The following COPG2 variants were observed in gnomAD, a reference collection of about 807,000 sequenced individuals.
COPG2 encodes the protein coat protein complex I subunit gamma 2.
A neutral mutation model predicts 46.3 loss-of-function variants in COPG2; 37 were observed. That is an observed-to-expected ratio of 0.80 (90% CI 0.61 to 1.05). COPG2 has a LOEUF of 1.05. COPG2 is among the 50% of genes least tolerant of loss of function. The pLI is 0.00. For missense variants in COPG2, 427 were observed against 387.8 expected, an observed-to-expected ratio of 1.10 and a Z score of -0.85; for synonymous variants, 159 against 129.7, an observed-to-expected ratio of 1.23 and a Z score of -1.53.
At chr7:130,636,101 C>T (rs1795331211) in intron 5 of COPG2, among the ~76,000 whole-genome samples, 1 of 152,138 alleles carries the variant, frequency 6.6e-6, no homozygotes. Flanking sequence ...TTTGCATTTG[C>T]TGAGGAGTGT....
intron 5 of COPG2, among the ~76,000 whole-genome samples, chr7:130,644,097 G>T (rs1161957284): frequency 6.6e-6 from 1 of 152,142 alleles, no homozygotes; most frequent in Non-Finnish European, 1.5e-5. Context: ...ATTAATTAGA[G>T]AATGAATCCC....
chr7:130,663,281 T>C (rs1443337772), intron 3 of COPG2, among the ~76,000 whole-genome samples: 4 of 152,184 alleles, frequency 2.6e-5, no homozygotes, highest in African/African-American at 9.7e-5. Flanking sequence ...AGTTCTGGCA[T>C]AGTGATCTCT....
At chr7:130,594,351 A>G (rs1299679273) in intron 9 of COPG2, among the ~76,000 whole-genome samples, 2 of 152,352 alleles carry the variant, frequency 1.3e-5, no homozygotes, top group East Asian at 3.9e-4. Flanking sequence ...CAGCATACAC[A>G]AAAATGATCT....
intron 20 of COPG2, among the ~76,000 whole-genome samples, chr7:130,534,706 A>G (rs1799862010): frequency 6.6e-6 from 1 of 152,180 alleles, no homozygotes; most frequent in African/African-American, 2.4e-5. Flanking sequence ...AACCTGTGTA[A>G]GAAGGTCTTA....
At chr7:130,548,302 A>T in intron 19 of COPG2, 101 bp downstream of exon 19, 1 of 397,158 alleles carries the variant, frequency 2.5e-6, no homozygotes, top group Non-Finnish European at 4.4e-6. Context: ...CTGCCAAATT[A>T]ATTCTCTATA....
chr7:130,666,904 A>G lies in COPG2; in HGVS notation c.116T>C (p.Ile39Thr), dbSNP rs1554461527. ...QEARIFNETP[I>T]NPRRCLHILT... Reference sequence around the variant, plus strand: ...AATATGCAAACATCTTCTTGGATTGATTGGAGTTTCATTGAATATACGAGC... The same window carrying G: ...AATATGCAAACATCTTCTTGGATTGGTTGGAGTTTCATTGAATATACGAGC... The change falls in exon 3 of 24, where the codon ATC becomes ACC. Residue 39 changes from isoleucine (I) to threonine (T), a missense_variant. Transcript: ENST00000425248. 1 of 1,566,064 alleles carries G rather than the reference A, an allele frequency of 6.4e-7. No individual in the cohort carries two copies. The highest frequency in any genetic ancestry group is 1.2e-5 in the South Asian group (1 of 85,660).
intron 20 of COPG2, among the ~76,000 whole-genome samples, chr7:130,519,241 G>T (rs1563035367): frequency 2.6e-5 from 4 of 152,116 alleles, no homozygotes; most frequent in South Asian, 2.1e-4. Context: ...GGAGAAAAGG[G>T]GGGAGTGAGA....
At chr7:130,639,432 G>GT (rs1307155200) in intron 5 of COPG2, among the ~76,000 whole-genome samples, 1 of 152,054 alleles carries the variant, frequency 6.6e-6, no homozygotes, top group Non-Finnish European at 1.5e-5. Context: ...AAATTTCCAA[G>GT]TTTTTTCCAA....
chr7:130,657,108 G>A (rs557018556), intron 4 of COPG2, among the ~76,000 whole-genome samples: 1 of 151,968 alleles, frequency 6.6e-6, no homozygotes, highest in South Asian at 2.1e-4. Context: ...ACTTACTATA[G>A]ATTTTAAACC....
intron 20 of COPG2, among the ~76,000 whole-genome samples, chr7:130,532,068 G>C (rs998622733): frequency 2.0e-5 from 3 of 152,234 alleles, no homozygotes; most frequent in Non-Finnish European, 4.4e-5. Flanking sequence ...GGACACGGGA[G>C]GATGGAGAGC....
intron 9 of COPG2, among the ~76,000 whole-genome samples, chr7:130,569,000 T>A (rs1793850937): frequency 6.6e-6 from 1 of 152,074 alleles, no homozygotes; most frequent in Admixed American, 6.6e-5. Context: ...AATTAAAAAA[T>A]TCTTTGAACT....
intron 9 of COPG2, among the ~76,000 whole-genome samples, chr7:130,599,782 GT>G (rs1460068133): frequency 6.6e-6 from 1 of 152,172 alleles, no homozygotes; most frequent in Non-Finnish European, 1.5e-5. Context: ...TGCTCTGGGG[GT>G]AAATAATCAT....
At chr7:130,549,692 AAATT>A (rs1324279536) in intron 17 of COPG2, among the ~76,000 whole-genome samples, 1 of 152,252 alleles carries the variant, frequency 6.6e-6, no homozygotes, top group African/African-American at 2.4e-5. Context: ...AAAATAGGAA[AAATT>A]ACTTATATCA....
intron 5 of COPG2, among the ~76,000 whole-genome samples, chr7:130,628,348 G>C (rs1380064389): frequency 6.6e-6 from 1 of 151,538 alleles, no homozygotes; most frequent in Non-Finnish European, 1.5e-5. Flanking sequence ...TCCTTTACTA[G>C]TTTATTGTTT....
chr7:130,590,865 G>GC (rs1480033177), intron 9 of COPG2, among the ~76,000 whole-genome samples: 3 of 151,576 alleles, frequency 2.0e-5, no homozygotes, highest in East Asian at 2.0e-4. Context: ...CTGCCCAGCC[G>GC]CCCCGTCTGA....
intron 5 of COPG2, among the ~76,000 whole-genome samples, chr7:130,630,097 G>C (rs1289650309): frequency 6.6e-6 from 1 of 151,868 alleles, no homozygotes; most frequent in African/African-American, 2.4e-5. Context: ...ATTTTTAGTA[G>C]AGATGGGGTT....
At chr7:130,532,700 A>G (rs1799840395) in intron 20 of COPG2, among the ~76,000 whole-genome samples, 1 of 152,110 alleles carries the variant, frequency 6.6e-6, no homozygotes, top group Non-Finnish European at 1.5e-5. Flanking sequence ...TGTGAAAGGT[A>G]TCGGGAAGGC....
intron 5 of COPG2, among the ~76,000 whole-genome samples, chr7:130,648,478 A>C (rs1188657230): frequency 6.6e-6 from 1 of 152,234 alleles, no homozygotes; most frequent in Non-Finnish European, 1.5e-5. Flanking sequence ...CAATCTTATT[A>C]TCAAAATCTA....
At chr7:130,611,562 G>A (rs994990709) in intron 8 of COPG2, among the ~76,000 whole-genome samples, 1 of 152,186 alleles carries the variant, frequency 6.6e-6, no homozygotes, top group Admixed American at 6.5e-5. Context: ...AGAGTCAGGA[G>A]AATGAGAGTG....
Sources: allele counts gnomAD v4.1 joint callset (sites outside exome capture counted in the v4.1 genomes callset), GRCh38; gene constraint gnomAD v4.1.1; transcripts MANE v1.5; gene names NCBI Gene and HGNC (gene_info 2026-07-23, HGNC 2026-07-21).